UBE2W: variants seen among roughly 807,000 people sequenced by gnomAD.
UBE2W encodes the protein ubiquitin-conjugating enzyme E2 W.
In UBE2W, 18 loss-of-function variants were observed where a neutral mutation model predicts 27.2. That is an observed-to-expected ratio of 0.66 (90% CI 0.46 to 0.98). The LOEUF (loss-of-function observed/expected upper bound fraction) is 0.98, where lower values mean the gene tolerates loss of function less well. UBE2W is among the 50% of genes least tolerant of loss of function. The pLI, the probability that UBE2W is intolerant of heterozygous loss-of-function variation, is 0.00. For missense variants in UBE2W, 90 were observed against 180.2 expected, an observed-to-expected ratio of 0.50 and a Z score of 2.87; for synonymous variants, 53 against 57.2, an observed-to-expected ratio of 0.93 and a Z score of 0.33.
At chr8:73,815,821 T>C (rs1161284564) in intron 3 of UBE2W, among the ~76,000 whole-genome samples, 1 of 152,186 alleles carries the variant, frequency 6.6e-6, no homozygotes, top group Non-Finnish European at 1.5e-5. Context: ...ATACCAAGGT[T>C]TTTCCAGGGA....
intron 4 of UBE2W, among the ~76,000 whole-genome samples, chr8:73,806,733 C>T (rs929002965): frequency 4.0e-5 from 6 of 151,898 alleles, no homozygotes; most frequent in Admixed American, 2.0e-4. Context: ...GAAAAGTCTA[C>T]TAAACTAGAT....
chr8:73,826,893 T>C (rs80235821), intron 2 of UBE2W, among the ~76,000 whole-genome samples: 1,807 of 152,312 alleles, frequency 0.012, 36 homozygotes, highest in African/African-American at 0.041. Context: ...GTAAATTAAA[T>C]GCAATGCAAA....
chr8:73,832,423 G>A (rs551474835), intron 1 of UBE2W, among the ~76,000 whole-genome samples: 28 of 152,222 alleles, frequency 1.8e-4, no homozygotes, highest in African/African-American at 5.5e-4. Flanking sequence ...AATGGGATAC[G>A]TGTATTTTAT....
intron 4 of UBE2W, among the ~76,000 whole-genome samples, chr8:73,806,109 T>G (rs893346899): frequency 3.3e-5 from 5 of 151,404 alleles, no homozygotes; most frequent in African/African-American, 1.2e-4. Flanking sequence ...GAGCCAAGAT[T>G]GTGACATTGC....
At chr8:73,837,871 C>T (rs1305804582) in intron 1 of UBE2W, among the ~76,000 whole-genome samples, 1 of 152,074 alleles carries the variant, frequency 6.6e-6, no homozygotes, top group African/African-American at 2.4e-5. Context: ...CATCTATCCT[C>T]CCCAGGGCGA....
intron 3 of UBE2W, among the ~76,000 whole-genome samples, chr8:73,821,191 T>C (rs1365864710): frequency 6.6e-6 from 1 of 152,094 alleles, no homozygotes; most frequent in Admixed American, 6.5e-5. Context: ...TCCTATAAAC[T>C]AGGTATTAAA....
chr8:73,851,963 TAA>T (rs1229715370), intron 1 of UBE2W, among the ~76,000 whole-genome samples: 5,453 of 117,166 alleles, frequency 0.047, 478 homozygotes, highest in African/African-American at 0.17. Flanking sequence ...TTTTTTTTTT[TAA>T]AAAAAAAAAA....
chr8:73,808,521 C>G (rs35389608), intron 4 of UBE2W, among the ~76,000 whole-genome samples: 5,198 of 152,364 alleles, frequency 0.034, 114 homozygotes, highest in Non-Finnish European at 0.057. Context: ...GCGTGAGCCA[C>G]TGCACCTGGC....
At chr8:73,853,691 A>C (rs1037393343) in intron 1 of UBE2W, among the ~76,000 whole-genome samples, 7 of 152,224 alleles carry the variant, frequency 4.6e-5, no homozygotes, top group Admixed American at 1.3e-4. Flanking sequence ...TATTGAAAGA[A>C]CACAATGAGA....
chr8:73,866,438 A>G (rs1380921661), intron 1 of UBE2W, among the ~76,000 whole-genome samples: 4 of 150,914 alleles, frequency 2.7e-5, no homozygotes, highest in African/African-American at 9.7e-5. Context: ...ACTTGATACT[A>G]TCAAACCTGA....
intron 1 of UBE2W, among the ~76,000 whole-genome samples, chr8:73,840,067 T>G (rs540175602): frequency 3.3e-5 from 5 of 151,850 alleles, no homozygotes; most frequent in East Asian, 3.9e-4. Flanking sequence ...TTTCTTTTTT[T>G]TCCCCCCAAG....
intron 1 of UBE2W, chr8:73,831,835 C>T (rs76876359): frequency 1.7e-3 from 260 of 151,936 alleles, no homozygotes; most frequent in Non-Finnish European, 3.1e-3. Flanking sequence ...TACAGGTGTG[C>T]GCCACTGTGC....
chr8:73,850,743 A>AAAAAAAAAG, intron 1 of UBE2W, among the ~76,000 whole-genome samples: 1 of 150,996 alleles, frequency 6.6e-6, no homozygotes, highest in African/African-American at 2.4e-5. Flanking sequence ...AAAAAAAAAA[A>AAAAAAAAAG]AAAAAAACAG....
intron 4 of UBE2W, 30 bp downstream of exon 4, chr8:73,810,444 A>G (rs1458500085): frequency 6.3e-7 from 1 of 1,586,754 alleles, no homozygotes. Flanking sequence ...AAGAAGAGAT[A>G]TTATCTGGAA....
chr8:73,837,721 C>T (rs1586500863), intron 1 of UBE2W, among the ~76,000 whole-genome samples: 1 of 152,294 alleles, frequency 6.6e-6, no homozygotes, highest in South Asian at 2.1e-4. Context: ...ATTACAGGCG[C>T]AAGCCATTGC....
chr8:73,781,627 T>TA (rs201527058), downstream of UBE2W, among the ~76,000 whole-genome samples: 47 of 151,324 alleles, frequency 3.1e-4, no homozygotes, highest in East Asian at 5.6e-3. Context: ...GGGTTTTTTT[T>TA]TTTTTTTTTT....
chr8:73,784,744 G>A (rs955868402), downstream of UBE2W, among the ~76,000 whole-genome samples: 3 of 152,036 alleles, frequency 2.0e-5, no homozygotes, highest in East Asian at 5.8e-4. Context: ...AGACCTACTG[G>A]GTCTAGCTTT....
chr8:73,818,296 C>G (rs190954207), intron 3 of UBE2W, among the ~76,000 whole-genome samples: 72 of 152,200 alleles, frequency 4.7e-4, no homozygotes, highest in African/African-American at 1.6e-3. Context: ...AAAACATGAC[C>G]ACCTTCCAAA....
intron 1 of UBE2W, among the ~76,000 whole-genome samples, chr8:73,865,818 T>C (rs1811731243): frequency 6.6e-6 from 1 of 152,184 alleles, no homozygotes; most frequent in Non-Finnish European, 1.5e-5. Flanking sequence ...TTTTATCTTA[T>C]GGACTATCTC....
Sources: allele counts gnomAD v4.1 joint callset (sites outside exome capture counted in the v4.1 genomes callset), GRCh38; gene constraint gnomAD v4.1.1; transcripts MANE v1.5; gene names NCBI Gene and HGNC (gene_info 2026-07-23, HGNC 2026-07-21).